The following CSF2RA variants were observed in gnomAD, a reference collection of about 807,000 sequenced individuals.
The protein encoded by CSF2RA is granulocyte-macrophage colony-stimulating factor receptor subunit alpha.
CSF2RA carries 42 observed loss-of-function variants against 51.6 expected under a neutral mutation model. The ratio of observed to expected loss-of-function variants is 0.81; its 90% CI spans 0.64 to 1.05. CSF2RA has a LOEUF of 1.05. Among genes scored for constraint, CSF2RA ranks in the 50% least tolerant of loss-of-function variants. CSF2RA has a pLI of 0.00. For synonymous variants in CSF2RA, 222 were observed against 193.0 expected (o/e 1.15, Z -1.24); for missense variants, 530 against 501.1 (o/e 1.06, Z -0.55).
chrX:1,292,205 C>T (rs1180690607), intron 7 of CSF2RA, among the ~76,000 whole-genome samples: 1 of 152,044 alleles, frequency 6.6e-6, no homozygotes, highest in Non-Finnish European at 1.5e-5. Flanking sequence ...CCAGTGTAGA[C>T]AAAGAGGTGT....
intron 3 of CSF2RA, among the ~76,000 whole-genome samples, chrX:1,283,237 A>G (rs1441078820): frequency 9.9e-6 from 1 of 100,968 alleles, no homozygotes; most frequent in East Asian, 2.8e-4. Context: ...CCCTCTTTCC[A>G]TCCTTCCTTC....
intron 3 of CSF2RA, among the ~76,000 whole-genome samples, chrX:1,283,713 G>A (rs1242172136): frequency 6.6e-6 from 1 of 151,590 alleles, no homozygotes; most frequent in Non-Finnish European, 1.5e-5. Flanking sequence ...GATTACAGGC[G>A]CCTGCCACCA....
rs1405298755 is a variant in CSF2RA, at chrX:1,309,388, C to G, written c.1126-14C>G. ...TCGTGAAGATCTGACAGCCTGAACC[C>G]TCCTTTTTCTCAGATCATCTGGGAG... is the stretch of plus-strand genomic sequence containing the variant. On this transcript the variant is annotated splice_polypyrimidine_tract_variant and intron_variant, in intron 12 of 12. Transcript: ENST00000381529. 4 of 1,613,562 alleles carry G rather than the reference C, an allele frequency of 2.5e-6. No homozygotes were observed. The highest frequency in any genetic ancestry group is 1.6e-4 in the Middle Eastern group (1 of 6,076).
downstream of CSF2RA, among the ~76,000 whole-genome samples, chrX:1,314,408 C>G (rs1351608998): frequency 6.7e-6 from 1 of 148,602 alleles, no homozygotes; most frequent in East Asian, 2.1e-4. Context: ...CTGCACCTGC[C>G]TAACCGTACT....
intron 1 of CSF2RA, among the ~76,000 whole-genome samples, chrX:1,269,643 AAAAGAGAT>A (rs1170873537): frequency 2.5e-5 from 1 of 39,702 alleles, no homozygotes; most frequent in Non-Finnish European, 8.8e-5. Flanking sequence ...AAAAGAAAAA[AAAAGAGAT>A]GAAAAGAGAT....
chrX:1,314,423 C>CTGCCCAACCGCACTGCACT (rs1268377798), downstream of CSF2RA, among the ~76,000 whole-genome samples: 23 of 147,916 alleles, frequency 1.6e-4, 2 homozygotes, highest in African/African-American at 6.0e-4. Flanking sequence ...CGTACTGCAC[C>CTGCCCAACCGCACTGCACT]TGCCCAACCG....
At chrX:1,283,800 C>T (rs1426306312) in intron 3 of CSF2RA, among the ~76,000 whole-genome samples, 1 of 151,942 alleles carries the variant, frequency 6.6e-6, no homozygotes, top group East Asian at 1.9e-4. Flanking sequence ...AATCTCCTGG[C>T]CTCAGGTGAT....
intron 7 of CSF2RA, among the ~76,000 whole-genome samples, chrX:1,290,946 G>C (rs1332131575): frequency 5.3e-5 from 8 of 152,056 alleles, no homozygotes; most frequent in Admixed American, 2.0e-4. Context: ...TTTTGAGATA[G>C]AGTCTCGCTC....
chrX:1,268,928 C>T, intron 1 of CSF2RA, 49 bp downstream of exon 1: 1 of 453,406 alleles, frequency 2.2e-6, no homozygotes, highest in Non-Finnish European at 4.4e-6. Context: ...TCGAGTCACC[C>T]GGGTACATGT....
chrX:1,273,382 G>A (rs57482368), intron 1 of CSF2RA, among the ~76,000 whole-genome samples: 12,556 of 151,898 alleles, frequency 0.083, 729 homozygotes, highest in Admixed American at 0.14. Context: ...TGCAATCTTG[G>A]CTCCCTGCAA....
Position 1,309,744 on chromosome X carries a change from C to A in CSF2RA, c.*265C>A. On this transcript the variant is annotated 3_prime_UTR_variant, in exon 13 of 13. Coordinates refer to ENST00000381529, the MANE Select transcript of CSF2RA (RefSeq NM_172245.4). The stretch of plus-strand genomic sequence containing the variant: ...TGGACTAAAAATGCAGAAATTTACC[C>A]AGGCACGGCGGCGGACGCCCATCAT... The A allele has an allele frequency of 1.4e-6, 1 of 735,976 alleles. No homozygotes were observed. Among genetic ancestry groups the A allele is most frequent in the Non-Finnish European group, 2.4e-6 (1 of 424,976 alleles). The allele number at this position is 735,976 out of a possible 1,614,324, so 45.6% of individuals were successfully genotyped here.
intron 1 of CSF2RA, among the ~76,000 whole-genome samples, chrX:1,272,693 G>T (rs1374792499): frequency 6.7e-6 from 1 of 150,282 alleles, no homozygotes; most frequent in Non-Finnish European, 1.5e-5. Flanking sequence ...GTTTCACCAT[G>T]TTGGCCAGGC....
In CSF2RA at chrX:1,282,813, G is replaced by C. The variant is rs181050009; in HGVS notation, c.76+34G>C. 4.9e-4 allele frequency: 772 copies of C among 1,573,534 alleles called. 1 individual carries two copies. Among genetic ancestry groups the C allele is most frequent in the East Asian group, 4.2e-3 (189 of 44,688 alleles). ...GGAAACCTGGCTGAACCTTCTCCGC[G>C]GCCCCTGTTTAGATGTCCTGCATCT... is the stretch of plus-strand genomic sequence containing the variant. On this transcript the variant is annotated intron_variant, in intron 3 of 12. Coordinates refer to ENST00000381529, the MANE Select transcript of CSF2RA (RefSeq NM_172245.4).
At chrX:1,318,155 A>AT in the CSF2RA span, among the ~76,000 whole-genome samples, 58,043 of 140,562 alleles carry the variant, frequency 0.41, 11,926 homozygotes, top group African/African-American at 0.48. Context: ...CGCCCGGCTA[A>AT]TTTTTTTTTT....
chrX:1,280,078 C>G (rs1271621496), intron 2 of CSF2RA, among the ~76,000 whole-genome samples: 1 of 152,070 alleles, frequency 6.6e-6, no homozygotes, highest in Non-Finnish European at 1.5e-5. Flanking sequence ...GCGTGAGCCA[C>G]TGTGCCCGGC....
chrX:1,315,726 G>A, the CSF2RA span, among the ~76,000 whole-genome samples: 1 of 151,932 alleles, frequency 6.6e-6, no homozygotes, highest in Non-Finnish European at 1.5e-5. Flanking sequence ...ATTTTAGATA[G>A]ATGATAGACA....
chrX:1,281,490 CTCT>C (rs2090064614), intron 2 of CSF2RA, among the ~76,000 whole-genome samples: 1 of 148,564 alleles, frequency 6.7e-6, no homozygotes, highest in Non-Finnish European at 1.5e-5. Flanking sequence ...CCTTCTCCTC[CTCT>C]TCCTCCTACT....
rs752520354 is a variant in CSF2RA at position 1,280,938 on chromosome X, C to G, written c.-26-1740C>G. ...CCTCCTCCTCCTCCTTCTCCTCCTC[C>G]TCCTCCTGCTTCTCCTCCTCCTCCT... On this transcript the variant is annotated intron_variant, in intron 2 of 12. Transcript: ENST00000381529. Among the ~76,000 whole-genome samples, 900 of 133,012 alleles carry G rather than the reference C, an allele frequency of 6.8e-3. 9 individuals carry two copies. Among genetic ancestry groups the G allele is most frequent in the African/African-American group, 0.025 (862 of 34,126 alleles). The allele number at this position is 133,012 out of a possible 152,430, so 87.3% of individuals were successfully genotyped here.
At chrX:1,282,031 T>TAAAAA (rs1202643478) in intron 2 of CSF2RA, 634 of 61,122 alleles carry the variant, frequency 0.01, 26 homozygotes, top group African/African-American at 0.04. Flanking sequence ...CTGTTTCTAC[T>TAAAAA]AAAAAAAAAA....
Sources: gnomAD v4.1 joint callset for allele counts (sites outside exome capture counted in the v4.1 genomes callset) on GRCh38, gnomAD v4.1.1 for gene constraint, MANE v1.5 for transcripts, NCBI Gene and HGNC (gene_info 2026-07-23, HGNC 2026-07-21) for gene names.